PTPRD: variants seen among roughly 807,000 people sequenced by gnomAD.
PTPRD encodes the protein protein tyrosine phosphatase receptor type D.
A neutral mutation model predicts 214.5 loss-of-function variants in PTPRD; 34 were observed. The observed-to-expected ratio is 0.16, with a 90% CI of 0.12 to 0.21. The LOEUF (loss-of-function observed/expected upper bound fraction) is 0.21. Ranked by LOEUF, PTPRD falls within the 10% of genes least tolerant of loss-of-function variation. PTPRD has a pLI of 1.00. For missense variants in PTPRD, 2,545 were observed against 2,398.7 expected (o/e 1.06, Z -1.27); for synonymous variants, 1,128 against 845.7 (o/e 1.33, Z -5.79).
chr9:10,290,344 T>A (rs1397115906), intron 3 of PTPRD, among the ~76,000 whole-genome samples: 1 of 152,142 alleles, frequency 6.6e-6, no homozygotes, highest in Non-Finnish European at 1.5e-5. Context: ...CTTTTACTCT[T>A]TTTCATACTG....
In PTPRD at chr9:10,587,814, A is replaced by T. The variant is rs913103174; in HGVS notation, c.-600+24584T>A. ...TTTAGTCTAGTGAAGGGACCCATAGAGCTCAGGAGTAGGTATAAGGGCTGT... is the reference window on the plus strand; with the variant it reads ...TTTAGTCTAGTGAAGGGACCCATAGTGCTCAGGAGTAGGTATAAGGGCTGT... On this transcript the variant is annotated intron_variant, in intron 2 of 45. Coordinates refer to ENST00000381196, the MANE Select transcript of PTPRD (RefSeq NM_002839.4). Among the ~76,000 whole-genome samples the T allele has an allele frequency of 9.7e-4, 147 of 152,162 alleles. 1 individual carries two copies. Among genetic ancestry groups the T allele is most frequent in the Non-Finnish European group, 1.7e-3 (113 of 67,958 alleles).
At chr9:10,378,482 G>C (rs564534519) in intron 2 of PTPRD, among the ~76,000 whole-genome samples, 1 of 152,010 alleles carries the variant, frequency 6.6e-6, no homozygotes, top group South Asian at 2.1e-4. Flanking sequence ...TTTGATTTCT[G>C]TATAGGGTGA....
chr9:9,493,276 T>C (rs925758789), intron 8 of PTPRD, among the ~76,000 whole-genome samples: 3 of 152,094 alleles, frequency 2.0e-5, no homozygotes, highest in African/African-American at 7.2e-5. Context: ...TGTTACACTG[T>C]AGTACCAAAT....
intron 11 of PTPRD, among the ~76,000 whole-genome samples, chr9:8,805,556 G>T (rs1482124712): frequency 2.0e-5 from 3 of 150,876 alleles, no homozygotes; most frequent in Non-Finnish European, 4.4e-5. Context: ...AAATCTTTTT[G>T]ATATCAATGC....
At chr9:8,868,185 T>C (rs1032064208) in intron 11 of PTPRD, among the ~76,000 whole-genome samples, 2 of 152,002 alleles carry the variant, frequency 1.3e-5, no homozygotes, top group African/African-American at 4.8e-5. Context: ...AGTTCTAGCA[T>C]CTATATTTTA....
At chr9:8,529,204 G>A (rs565463674) in intron 14 of PTPRD, among the ~76,000 whole-genome samples, 21 of 152,166 alleles carry the variant, frequency 1.4e-4, no homozygotes, top group African/African-American at 4.8e-4. Flanking sequence ...TAGGCATTGA[G>A]GTAGGAAAGG....
intron 7 of PTPRD, among the ~76,000 whole-genome samples, chr9:9,725,356 A>G (rs751891534): frequency 6.6e-6 from 1 of 151,582 alleles, no homozygotes; most frequent in Non-Finnish European, 1.5e-5. Context: ...AAAAGACATA[A>G]CTCACTCCTC....
At chr9:10,417,771 G>A (rs996123961) in intron 2 of PTPRD, among the ~76,000 whole-genome samples, 15 of 151,810 alleles carry the variant, frequency 9.9e-5, no homozygotes, top group Admixed American at 4.0e-4. Context: ...AAGACAAGGA[G>A]CTCTGAATAT....
intron 5 of PTPRD, among the ~76,000 whole-genome samples, chr9:9,895,821 G>C (rs1425619192): frequency 6.6e-6 from 1 of 152,068 alleles, no homozygotes; most frequent in Non-Finnish European, 1.5e-5. Context: ...AAACCTCATT[G>C]ATTTATACAC....
rs563597527 is a variant in PTPRD, at chr9:9,169,870, T to C, written c.-143+13434A>G. 2.0e-5 allele frequency among the ~76,000 whole-genome samples: 3 copies of C among 152,274 alleles called. No homozygotes were observed. In the South Asian group the frequency reaches 6.2e-4, roughly 32 times the overall value. ...GGCACTAACTTCCTGGTTAGCCTAA[T>C]GATGTTTCATTACAAATACTCAGCC... On this transcript the variant is annotated intron_variant, in intron 10 of 45. Coordinates refer to ENST00000381196, the MANE Select transcript of PTPRD (RefSeq NM_002839.4).
intron 6 of PTPRD, among the ~76,000 whole-genome samples, chr9:9,740,515 G>A (rs985726275): frequency 1.0e-4 from 11 of 106,310 alleles, no homozygotes; most frequent in Non-Finnish European, 1.7e-4. Context: ...CCGCCACCAC[G>A]CCCGGCTAAT....
intron 12 of PTPRD, among the ~76,000 whole-genome samples, chr9:8,647,892 G>A (rs1000335570): frequency 5.3e-5 from 8 of 152,110 alleles, no homozygotes; most frequent in African/African-American, 1.2e-4. Context: ...GTAAATGTTC[G>A]TAGACCATTA....
At position 9,134,190 on chromosome 9, in the gene PTPRD, A is replaced by G. The variant is rs372548195; in HGVS notation, c.-143+49114T>C. Among the ~76,000 whole-genome samples, 38 of 142,930 alleles carry G rather than the reference A, an allele frequency of 2.7e-4. 5 individuals carry two copies. Among genetic ancestry groups the G allele is most frequent in the African/African-American group, 9.6e-4 (35 of 36,270 alleles). 93.8% of individuals were successfully genotyped at this position (142,930 alleles called of 152,430 possible). On this transcript the variant is annotated intron_variant, in intron 10 of 45. Transcript: ENST00000381196. ...CGGGTTCACGCCATTCTCCTGCCTC[A>G]GCCTCCCGAGTAGCTGGGACTACAG...
intron 9 of PTPRD, among the ~76,000 whole-genome samples, chr9:9,241,699 A>G (rs145628250): frequency 0.13 from 19,265 of 151,550 alleles, 1,556 homozygotes; most frequent in Admixed American, 0.19. Flanking sequence ...TTTGCTTGGT[A>G]GATCTTCCTC....
At chr9:9,433,259 G>A (rs577487518) in intron 8 of PTPRD, among the ~76,000 whole-genome samples, 3 of 152,270 alleles carry the variant, frequency 2.0e-5, no homozygotes, top group African/African-American at 7.2e-5. Context: ...ATGTCATCAG[G>A]AACAGTTAAA....
intron 3 of PTPRD, among the ~76,000 whole-genome samples, chr9:10,244,924 C>G (rs1344605421): frequency 6.6e-6 from 1 of 152,096 alleles, no homozygotes; most frequent in Non-Finnish European, 1.5e-5. Context: ...GCTTATTACA[C>G]AATTTATTTT....
At chr9:9,322,349 T>C (rs529320063) in intron 9 of PTPRD, among the ~76,000 whole-genome samples, 1 of 152,276 alleles carries the variant, frequency 6.6e-6, no homozygotes, top group African/African-American at 2.4e-5. Flanking sequence ...TCATACATAA[T>C]TCACAATTTT....
chr9:8,971,263 A>G (rs1361317282), intron 11 of PTPRD, among the ~76,000 whole-genome samples: 1 of 151,836 alleles, frequency 6.6e-6, no homozygotes, highest in Non-Finnish European at 1.5e-5. Context: ...ACTGAATATC[A>G]TGAGCCAAAG....
chr9:10,001,533 A>G (rs1381133445), intron 4 of PTPRD, among the ~76,000 whole-genome samples: 1 of 152,162 alleles, frequency 6.6e-6, no homozygotes, highest in Non-Finnish European at 1.5e-5. Context: ...CATACTTGTC[A>G]CTGTCAATAA....
Sources: allele counts gnomAD v4.1 joint callset (sites outside exome capture counted in the v4.1 genomes callset), GRCh38; gene constraint gnomAD v4.1.1; transcripts MANE v1.5; gene names NCBI Gene and HGNC (gene_info 2026-07-23, HGNC 2026-07-21).